UBTD2: variants seen among roughly 807,000 people sequenced by gnomAD.
UBTD2 encodes the protein ubiquitin domain containing 2, also known as ubiquitin domain-containing protein 2.
In UBTD2, 9 loss-of-function variants were observed where a neutral mutation model predicts 19.8. The ratio of observed to expected loss-of-function variants is 0.46; its 90% CI spans 0.27 to 0.79. The LOEUF (loss-of-function observed/expected upper bound fraction) is 0.79. Ranked by LOEUF, UBTD2 falls within the 30% of genes least tolerant of loss-of-function variation. UBTD2 has a pLI of 0.14. For synonymous variants in UBTD2, 98 were observed against 103.9 expected, an observed-to-expected ratio of 0.94 and a Z score of 0.35; for missense variants, 250 against 300.4, an observed-to-expected ratio of 0.83 and a Z score of 1.24.
At chr5:172,276,900 T>C (rs1755614166) in intron 1 of UBTD2, among the ~76,000 whole-genome samples, 1 of 151,830 alleles carries the variant, frequency 6.6e-6, no homozygotes, top group South Asian at 2.1e-4. Context: ...TGAAACCCCG[T>C]CTCTACTAAA....
At chr5:172,265,970 G>A (rs1228351913) in intron 1 of UBTD2, among the ~76,000 whole-genome samples, 1 of 149,408 alleles carries the variant, frequency 6.7e-6, no homozygotes, top group Non-Finnish European at 1.5e-5. Context: ...GTCTTGCTCT[G>A]TCACCCAGGC....
intron 2 of UBTD2, among the ~76,000 whole-genome samples, chr5:172,229,067 AAAAGCCAAACTG>A (rs1771834573): frequency 6.6e-6 from 1 of 152,160 alleles, no homozygotes. Flanking sequence ...ACAGGTCCTC[AAAAGCCAAACTG>A]AAGAACTGGC....
At chr5:172,242,827 T>G (rs2113035036) in intron 1 of UBTD2, among the ~76,000 whole-genome samples, 1 of 152,354 alleles carries the variant, frequency 6.6e-6, no homozygotes, top group Non-Finnish European at 1.5e-5. Context: ...TTCTTCTAAG[T>G]ATGTCATTCT....
chr5:172,277,124 C>A (rs1187497492), intron 1 of UBTD2, among the ~76,000 whole-genome samples: 1 of 129,606 alleles, frequency 7.7e-6, no homozygotes, highest in African/African-American at 2.9e-5. Context: ...AGACGAAGTA[C>A]ATTTATGAAT....
intron 1 of UBTD2, among the ~76,000 whole-genome samples, chr5:172,270,254 T>A (rs186730241): frequency 2.6e-5 from 4 of 151,800 alleles, no homozygotes; most frequent in East Asian, 4.0e-4. Context: ...GCCTAATTTT[T>A]AATTTAAATA....
intron 1 of UBTD2, among the ~76,000 whole-genome samples, chr5:172,243,814 C>T (rs10069870): frequency 0.3 from 45,550 of 151,620 alleles, 6,960 homozygotes; most frequent in South Asian, 0.42. Flanking sequence ...CCACCCGCCT[C>T]GGCCTCCCAA....
At chr5:172,260,713 T>A (rs760878142) in intron 1 of UBTD2, among the ~76,000 whole-genome samples, 5 of 152,206 alleles carry the variant, frequency 3.3e-5, no homozygotes, top group Non-Finnish European at 4.4e-5. Flanking sequence ...ACAGGTTAAG[T>A]GTCTCACTCG....
intron 2 of UBTD2, among the ~76,000 whole-genome samples, chr5:172,221,286 T>C (rs1217198127): frequency 6.6e-6 from 1 of 152,086 alleles, no homozygotes; most frequent in African/African-American, 2.4e-5. Flanking sequence ...GGAGGATGGC[T>C]TGAGGCTAAC....
chr5:172,212,842 T>C (rs766407690), intron 2 of UBTD2, among the ~76,000 whole-genome samples: 12 of 152,006 alleles, frequency 7.9e-5, no homozygotes, highest in Non-Finnish European at 1.8e-4. Flanking sequence ...TTTTTTGTAT[T>C]TTTAGTATAG....
At chr5:172,256,597 T>C (rs992092576) in intron 1 of UBTD2, among the ~76,000 whole-genome samples, 2 of 151,752 alleles carry the variant, frequency 1.3e-5, no homozygotes, top group Non-Finnish European at 2.9e-5. Context: ...ATACACTTTT[T>C]GATATTTTTC....
chr5:172,245,135 G>T (rs1035510960), intron 1 of UBTD2, among the ~76,000 whole-genome samples: 15 of 152,140 alleles, frequency 9.9e-5, no homozygotes, highest in Admixed American at 2.0e-4. Flanking sequence ...GGGTACTGTG[G>T]AATATGAGGA....
At chr5:172,269,768 A>ATT (rs1388019042) in intron 1 of UBTD2, among the ~76,000 whole-genome samples, 10 of 145,046 alleles carry the variant, frequency 6.9e-5, no homozygotes, top group African/African-American at 2.5e-4. Context: ...AGTTAAACAC[A>ATT]TTTTTTTTTT....
intron 1 of UBTD2, among the ~76,000 whole-genome samples, chr5:172,282,691 G>A (rs1028968829): frequency 7.9e-5 from 12 of 152,170 alleles, no homozygotes; most frequent in African/African-American, 2.9e-4. Context: ...CAGAATGGAC[G>A]TAACCAAAGG....
At chr5:172,270,867 A>G (rs1027093882) in intron 1 of UBTD2, among the ~76,000 whole-genome samples, 3 of 152,210 alleles carry the variant, frequency 2.0e-5, no homozygotes, top group African/African-American at 7.2e-5. Context: ...CATGGGAATT[A>G]GTCTGTTAGA....
At chr5:172,238,810 A>G (rs991199790) in intron 1 of UBTD2, among the ~76,000 whole-genome samples, 2 of 152,186 alleles carry the variant, frequency 1.3e-5, no homozygotes, top group East Asian at 3.8e-4. Context: ...GAACGCTTCA[A>G]ATGAAGAAAG....
intron 1 of UBTD2, among the ~76,000 whole-genome samples, chr5:172,266,156 C>G (rs1465411153): frequency 3.3e-5 from 5 of 152,186 alleles, no homozygotes; most frequent in South Asian, 2.1e-4. Flanking sequence ...GTCTTGAACT[C>G]CTGACCTCAG....
At chr5:172,217,027 A>C (rs556374403) in intron 2 of UBTD2, among the ~76,000 whole-genome samples, 1 of 152,174 alleles carries the variant, frequency 6.6e-6, no homozygotes, top group Non-Finnish European at 1.5e-5. Flanking sequence ...AACTTCTCAG[A>C]AACCATGCAA....
intron 2 of UBTD2, among the ~76,000 whole-genome samples, chr5:172,214,313 T>C (rs1305039332): frequency 6.6e-6 from 1 of 152,214 alleles, no homozygotes; most frequent in Non-Finnish European, 1.5e-5. Flanking sequence ...GGAATGGTCA[T>C]CAACCCACCA....
intron 1 of UBTD2, among the ~76,000 whole-genome samples, chr5:172,238,778 T>G (rs2113898638): frequency 6.6e-6 from 1 of 152,306 alleles, no homozygotes; most frequent in Admixed American, 6.5e-5. Context: ...GGTTCCTCTT[T>G]GAAAACCTTG....
Sources: allele counts gnomAD v4.1 joint callset (sites outside exome capture counted in the v4.1 genomes callset), GRCh38; gene constraint gnomAD v4.1.1; transcripts MANE v1.5; gene names NCBI Gene and HGNC (gene_info 2026-07-23, HGNC 2026-07-21).